Variants in ABCA13 observed in about 807,000 individuals in gnomAD.
The protein encoded by ABCA13 is ATP binding cassette subfamily A member 13.
In ABCA13, 476 loss-of-function variants were observed where a neutral mutation model predicts 478.7. The observed-to-expected ratio is 0.99, with a 90% CI of 0.92 to 1.07. The LOEUF is 1.07. Among genes scored for constraint, ABCA13 ranks in the 50% least tolerant of loss-of-function variants. ABCA13 has a pLI of 0.00. For synonymous variants in ABCA13, 2,252 were observed against 2,158.9 expected (o/e 1.04, Z -1.20); for missense variants, 6,060 against 5,910.6 (o/e 1.03, Z -0.83).
chr7:48,243,837 C>T (rs1473613595), intron 10 of ABCA13, among the ~76,000 whole-genome samples: 1 of 152,198 alleles, frequency 6.6e-6, no homozygotes, highest in East Asian at 1.9e-4. Flanking sequence ...TGCTTTTCTC[C>T]TTCTGTAGCT....
At chr7:48,331,291 C>T (rs1368901686) in intron 27 of ABCA13, among the ~76,000 whole-genome samples, 4 of 152,170 alleles carry the variant, frequency 2.6e-5, no homozygotes, top group African/African-American at 7.2e-5. Context: ...GACATTTCTC[C>T]TAATTAAATA....
At chr7:48,516,945 C>T (rs1832166997) in intron 52 of ABCA13, 64 bp downstream of exon 52, 2 of 1,520,392 alleles carry the variant, frequency 1.3e-6, no homozygotes, top group Non-Finnish European at 8.9e-7. Context: ...GGTGTTAACT[C>T]ATGCCTCTTT....
At chr7:48,644,853 C>A in intron 61 of ABCA13, 99 bp downstream of exon 61, 1 of 1,218,724 alleles carries the variant, frequency 8.2e-7, no homozygotes, top group Non-Finnish European at 1.1e-6. Flanking sequence ...CAATTCACCA[C>A]TTTATTCAAT....
intron 55 of ABCA13, among the ~76,000 whole-genome samples, chr7:48,541,207 A>G (rs1833922682): frequency 6.6e-6 from 1 of 152,166 alleles, no homozygotes; most frequent in South Asian, 2.1e-4. Flanking sequence ...TTTACTTAAA[A>G]TATGAAAGGC....
intron 55 of ABCA13, among the ~76,000 whole-genome samples, chr7:48,556,435 A>G (rs536025308): frequency 2.0e-5 from 3 of 152,026 alleles, no homozygotes; most frequent in African/African-American, 4.8e-5. Flanking sequence ...ATTGAGGTCT[A>G]TCTCTCTCTT....
At chr7:48,200,144 C>T (rs1416884933) in intron 3 of ABCA13, among the ~76,000 whole-genome samples, 3 of 152,044 alleles carry the variant, frequency 2.0e-5, no homozygotes, top group Non-Finnish European at 4.4e-5. Context: ...GCGGGCAGAT[C>T]ACCTGAGATC....
At chr7:48,508,995 A>G (rs1400332692) in intron 50 of ABCA13, among the ~76,000 whole-genome samples, 1 of 152,188 alleles carries the variant, frequency 6.6e-6, no homozygotes. Context: ...AGTTCATTTA[A>G]TTTAATCAGA....
At chr7:48,558,181 C>CCCTTCCTT (rs1159760926) in intron 55 of ABCA13, among the ~76,000 whole-genome samples, 5 of 121,222 alleles carry the variant, frequency 4.1e-5, no homozygotes, top group Non-Finnish European at 8.2e-5. Context: ...CTCCCTTCCT[C>CCCTTCCTT]CCTTCCTTCC....
intron 1 of ABCA13, among the ~76,000 whole-genome samples, chr7:48,182,014 G>A (rs780520715): frequency 3.9e-5 from 6 of 152,014 alleles, no homozygotes; most frequent in Non-Finnish European, 7.4e-5. Context: ...TGTGTATGGA[G>A]CACTTGATGT....
At chr7:48,640,732 T>C (rs1795045948) in intron 59 of ABCA13, among the ~76,000 whole-genome samples, 1 of 152,164 alleles carries the variant, frequency 6.6e-6, no homozygotes, top group Non-Finnish European at 1.5e-5. Context: ...ATGTTATAGA[T>C]AGAAATGAAA....
intron 59 of ABCA13, among the ~76,000 whole-genome samples, chr7:48,621,897 C>G (rs1403092840): frequency 6.6e-6 from 1 of 152,180 alleles, no homozygotes; most frequent in Admixed American, 6.5e-5. Context: ...CCAACACCAA[C>G]TGCCCCAATC....
chr7:48,210,039 T>G (rs185693776), intron 3 of ABCA13, among the ~76,000 whole-genome samples: 27 of 152,362 alleles, frequency 1.8e-4, no homozygotes, highest in Non-Finnish European at 2.8e-4. Flanking sequence ...TTCTTTAAGA[T>G]GCATACTGTA....
At chr7:48,356,355 AG>A (rs1809911957) in intron 31 of ABCA13, among the ~76,000 whole-genome samples, 1 of 151,182 alleles carries the variant, frequency 6.6e-6, no homozygotes, top group Non-Finnish European at 1.5e-5. Context: ...AAGAAATGGG[AG>A]GTGACTTCTT....
At chr7:48,553,505 T>G (rs1785511057) in intron 55 of ABCA13, among the ~76,000 whole-genome samples, 1 of 152,090 alleles carries the variant, frequency 6.6e-6, no homozygotes, top group Non-Finnish European at 1.5e-5. Flanking sequence ...TAAAAGCCAT[T>G]TTAACTGGGG....
chr7:48,574,872 A>G (rs186241984), intron 55 of ABCA13, among the ~76,000 whole-genome samples: 4 of 152,148 alleles, frequency 2.6e-5, no homozygotes, highest in Admixed American at 1.3e-4. Flanking sequence ...TCTGCATTTT[A>G]TCCAGCTGTT....
intron 59 of ABCA13, among the ~76,000 whole-genome samples, chr7:48,634,659 C>T (rs1794478327): frequency 6.6e-6 from 1 of 151,914 alleles, no homozygotes; most frequent in South Asian, 2.1e-4. Context: ...TTTATTATTT[C>T]CTGTCTTCTT....
At chr7:48,594,077 A>G (rs1790038386) in intron 57 of ABCA13, among the ~76,000 whole-genome samples, 1 of 151,966 alleles carries the variant, frequency 6.6e-6, no homozygotes, top group African/African-American at 2.4e-5. Context: ...ATATATCTTG[A>G]TGTTCAAATG....
chr7:48,245,711 TA>T (rs1393256843), intron 12 of ABCA13, 99 bp downstream of exon 12: 3 of 1,447,764 alleles, frequency 2.1e-6, no homozygotes, highest in African/African-American at 1.4e-5. Flanking sequence ...TTGTGCTAGC[TA>T]AAAAAGGGAA....
intron 58 of ABCA13, among the ~76,000 whole-genome samples, chr7:48,597,486 G>T (rs903055624): frequency 4.6e-5 from 7 of 152,134 alleles, no homozygotes; most frequent in Non-Finnish European, 1.0e-4. Context: ...TCTGAGTCAA[G>T]TTGCTAGATT....
Sources: gnomAD v4.1 joint callset for allele counts (sites outside exome capture counted in the v4.1 genomes callset) on GRCh38, gnomAD v4.1.1 for gene constraint, MANE v1.5 for transcripts, NCBI Gene and HGNC (gene_info 2026-07-23, HGNC 2026-07-21) for gene names.